MALRD1: variants seen among roughly 807,000 people sequenced by gnomAD.
MALRD1 encodes the protein MAM and LDL receptor class A domain containing 1, also known as MAM and LDL-receptor class A domain-containing protein 1.
MALRD1 carries 247 observed loss-of-function variants against 242.1 expected under a neutral mutation model. The ratio of observed to expected loss-of-function variants is 1.02; its 90% CI spans 0.92 to 1.13. MALRD1 has a LOEUF of 1.13. MALRD1 is among the 50% of genes most tolerant of loss of function. The probability of loss-of-function intolerance (pLI) is 0.00; values close to 1 mark genes in which losing one functional copy is unlikely to be tolerated. For missense variants in MALRD1, 2,989 were observed against 2,533.1 expected (o/e 1.18, Z -3.86); for synonymous variants, 995 against 866.6 (o/e 1.15, Z -2.60).
intron 28 of MALRD1, among the ~76,000 whole-genome samples, chr10:19,394,668 A>G (rs1000534566): frequency 3.9e-5 from 6 of 152,202 alleles, no homozygotes; most frequent in African/African-American, 1.4e-4. Flanking sequence ...CATAATCTGA[A>G]AAGATTTACA....
At chr10:19,328,763 A>T (rs1394361970) in intron 23 of MALRD1, among the ~76,000 whole-genome samples, 2 of 152,140 alleles carry the variant, frequency 1.3e-5, no homozygotes, top group African/African-American at 4.8e-5. Context: ...ATAATTTAGG[A>T]TATGCATAAG....
intron 31 of MALRD1, among the ~76,000 whole-genome samples, chr10:19,508,555 C>T (rs553113767): frequency 2.6e-5 from 4 of 152,100 alleles, no homozygotes; most frequent in African/African-American, 9.7e-5. Flanking sequence ...CTATTGAGCC[C>T]TTGAAATGTG....
At chr10:19,308,689 C>T (rs919303239) in intron 21 of MALRD1, among the ~76,000 whole-genome samples, 6 of 151,506 alleles carry the variant, frequency 4.0e-5, no homozygotes, top group Non-Finnish European at 5.9e-5. Flanking sequence ...ACTTGTCCTA[C>T]TGTAATTACT....
chr10:19,447,741 AC>A (rs35311279), intron 28 of MALRD1, among the ~76,000 whole-genome samples: 106,705 of 151,970 alleles, frequency 0.7, 37,545 homozygotes, highest in Non-Finnish European at 0.74. Flanking sequence ...CAGATAGACC[AC>A]CCTTTCCTTT....
chr10:19,721,836 T>G (rs117277221), intron 38 of MALRD1: 5 of 152,388 alleles, frequency 3.3e-5, no homozygotes, highest in South Asian at 4.1e-4. Context: ...GGGCTGCCAC[T>G]TGAGCAGGTG....
At chr10:19,676,474 T>A (rs919634519) in intron 36 of MALRD1, among the ~76,000 whole-genome samples, 1 of 152,230 alleles carries the variant, frequency 6.6e-6, no homozygotes, top group Non-Finnish European at 1.5e-5. Flanking sequence ...ACAAGTTTTT[T>A]AATATAAAAT....
chr10:19,615,539 G>A (rs1391461175), intron 35 of MALRD1, among the ~76,000 whole-genome samples: 65 of 82,414 alleles, frequency 7.9e-4, no homozygotes, highest in African/African-American at 3.8e-3. Flanking sequence ...AAAAAAAGAG[G>A]AAGAGAGAAA....
At chr10:19,432,559 G>A (rs1834178541) in intron 28 of MALRD1, among the ~76,000 whole-genome samples, 3 of 152,124 alleles carry the variant, frequency 2.0e-5, no homozygotes, top group Non-Finnish European at 4.4e-5. Flanking sequence ...TCTGTTTTAG[G>A]CATGGGAAAT....
intron 5 of MALRD1, among the ~76,000 whole-genome samples, chr10:19,106,636 G>A (rs539391247): frequency 4.2e-4 from 64 of 151,584 alleles, no homozygotes; most frequent in African/African-American, 1.5e-3. Flanking sequence ...TTTCATTTAG[G>A]TCTGCTCTGA....
intron 18 of MALRD1, among the ~76,000 whole-genome samples, chr10:19,237,513 C>CATACATATATATATATATAT: frequency 8.8e-6 from 1 of 113,712 alleles, no homozygotes; most frequent in South Asian, 2.4e-4. Flanking sequence ...TGTGTGTGTC[C>CATACATATATATATATATAT]ATATATATAT....
At chr10:19,476,689 C>T (rs1329346267) in intron 29 of MALRD1, among the ~76,000 whole-genome samples, 1 of 152,192 alleles carries the variant, frequency 6.6e-6, no homozygotes, top group African/African-American at 2.4e-5. Flanking sequence ...GAGCGGTCAT[C>T]TCGAACCAGG....
chr10:19,534,067 G>A (rs1237015283), intron 32 of MALRD1, among the ~76,000 whole-genome samples: 2 of 152,160 alleles, frequency 1.3e-5, no homozygotes, highest in Non-Finnish European at 1.5e-5. Flanking sequence ...TGGGGACACA[G>A]AGCTAAAGAA....
chr10:19,307,236 C>G (rs1301728333), intron 21 of MALRD1, among the ~76,000 whole-genome samples: 1 of 151,458 alleles, frequency 6.6e-6, no homozygotes, highest in Non-Finnish European at 1.5e-5. Flanking sequence ...ATCAAACTCT[C>G]TCACCTGAAC....
intron 24 of MALRD1, among the ~76,000 whole-genome samples, chr10:19,332,986 G>A (rs916303015): frequency 1.3e-5 from 2 of 152,004 alleles, no homozygotes; most frequent in Admixed American, 6.6e-5. Context: ...AACATTAGGT[G>A]TTTCTCCTAA....
chr10:19,289,764 T>C (rs1841317756), intron 21 of MALRD1, among the ~76,000 whole-genome samples: 1 of 152,198 alleles, frequency 6.6e-6, no homozygotes, highest in Non-Finnish European at 1.5e-5. Context: ...TAAATTGGCT[T>C]TTCTCTCTCA....
intron 1 of MALRD1, chr10:19,051,673 C>G (rs113977285): frequency 0.28 from 42,315 of 152,820 alleles, 6,262 homozygotes; most frequent in Admixed American, 0.37. Flanking sequence ...GCCTGTAATC[C>G]CAGCACTTTG....
At chr10:19,718,485 A>T (rs771601320) in intron 38 of MALRD1, among the ~76,000 whole-genome samples, 18 of 152,190 alleles carry the variant, frequency 1.2e-4, no homozygotes, top group Non-Finnish European at 1.6e-4. Context: ...ACATGAACTC[A>T]ACGCAAGAAC....
intron 10 of MALRD1, among the ~76,000 whole-genome samples, chr10:19,142,121 A>G (rs4573591): frequency 1.4e-5 from 2 of 145,550 alleles, no homozygotes; most frequent in African/African-American, 5.0e-5. Flanking sequence ...GCAGTGAGCC[A>G]AGATTGCACC....
At chr10:19,687,621 C>T (rs1842630310) in intron 36 of MALRD1, among the ~76,000 whole-genome samples, 1 of 152,154 alleles carries the variant, frequency 6.6e-6, no homozygotes, top group Non-Finnish European at 1.5e-5. Flanking sequence ...CCCAACACAC[C>T]ACTTAAAAAC....
Sources: gnomAD v4.1 joint callset for allele counts (sites outside exome capture counted in the v4.1 genomes callset) on GRCh38, gnomAD v4.1.1 for gene constraint, MANE v1.5 for transcripts, NCBI Gene and HGNC (gene_info 2026-07-23, HGNC 2026-07-21) for gene names.